USP34: variants seen among roughly 807,000 people sequenced by gnomAD.
The protein encoded by USP34 is ubiquitin specific peptidase 34, also known as ubiquitin carboxyl-terminal hydrolase 34.
USP34 carries 70 observed loss-of-function variants against 460.3 expected under a neutral mutation model. The ratio of observed to expected loss-of-function variants is 0.15; its 90% confidence interval spans 0.13 to 0.19. The LOEUF is 0.19. Ranked by LOEUF, USP34 falls within the 10% of genes least tolerant of loss-of-function variation. The pLI is 1.00. For missense variants in USP34, 3,985 were observed against 4,236.2 expected (o/e 0.94, Z 1.65); for synonymous variants, 1,647 against 1,405.3 (o/e 1.17, Z -3.85).
chr2:61,429,282 C>A (rs1254956613), intron 1 of USP34, among the ~76,000 whole-genome samples: 1 of 151,978 alleles, frequency 6.6e-6, no homozygotes, highest in Non-Finnish European at 1.5e-5. Flanking sequence ...CCCGTCTCTA[C>A]TAAAAATACA....
intron 53 of USP34, 100 bp downstream of exon 53, chr2:61,241,460 G>A (rs1308866931): frequency 2.7e-6 from 2 of 737,592 alleles, no homozygotes; most frequent in Non-Finnish European, 4.3e-6. Flanking sequence ...ACTCAGAATT[G>A]CAGATATCAA....
At chr2:61,349,173 T>C (rs1407195278) in intron 13 of USP34, 77 bp downstream of exon 13, 13 of 1,483,172 alleles carry the variant, frequency 8.8e-6, no homozygotes, top group East Asian at 2.3e-5. Context: ...TATATTATTA[T>C]GTAAAATCAA....
rs1450082241 is a variant in USP34, at chr2:61,331,340, G to A, written c.2866C>T (p.Leu956Phe). 6.2e-7 allele frequency: 1 copy of A among 1,611,916 alleles called. No individual in the cohort carries two copies. Among genetic ancestry groups the A allele is most frequent in the East Asian group, 2.2e-5 (1 of 44,714 alleles). ...WAEKELNMMK[L>F]FFDNLVYYIQ... Reference sequence around the variant, plus strand: ...TAGTATACCAAATTATCAAAGAAAAGCTTCATCATGTTCAGTTCTTTTTCT... The same window carrying A: ...TAGTATACCAAATTATCAAAGAAAAACTTCATCATGTTCAGTTCTTTTTCT... Residue 956 changes from leucine (L) to phenylalanine (F), a missense_variant, in exon 20 of 80, where the codon CTT becomes TTT. By Grantham distance (22) the Leu-to-Phe change is conservative (BLOSUM62 0). Around this residue, in one of 14 missense-constraint regions of USP34, gnomAD observed 1,114 missense variants for 1,122.5 expected, o/e 0.99. Coordinates refer to ENST00000398571, the MANE Select transcript of USP34 (RefSeq NM_014709.4).
intron 49 of USP34, among the ~76,000 whole-genome samples, chr2:61,247,361 G>A (rs1195383209): frequency 6.6e-6 from 1 of 152,204 alleles, no homozygotes; most frequent in Non-Finnish European, 1.5e-5. Context: ...GACAGTGGCT[G>A]AGGAGTGTAG....
In USP34 at chr2:61,313,662, T is replaced by A. The variant is rs573820575; in HGVS notation, c.3542+923A>T. Among the ~76,000 whole-genome samples, 5 of 152,200 alleles carry A rather than the reference T, an allele frequency of 3.3e-5. No individual in the cohort carries two copies. The South Asian group carries it at 1.0e-3, about 32-fold the overall frequency. On this transcript the variant is annotated intron_variant, in intron 25 of 79. Coordinates refer to ENST00000398571, the MANE Select transcript of USP34 (RefSeq NM_014709.4). ...TATAAGGCAGTAAGAAGTTTCTGTGTAAAAAAATGAGTTCCTTTCCACATT... is the reference window on the plus strand; with the variant it reads ...TATAAGGCAGTAAGAAGTTTCTGTGAAAAAAAATGAGTTCCTTTCCACATT...
At chr2:61,238,094 T>C (rs1319189472) in intron 53 of USP34, among the ~76,000 whole-genome samples, 3 of 151,336 alleles carry the variant, frequency 2.0e-5, no homozygotes, top group Admixed American at 6.6e-5. Context: ...GGGGGTTTCA[T>C]CATGTTGGCC....
intron 1 of USP34, among the ~76,000 whole-genome samples, chr2:61,430,523 G>A (rs752363201): frequency 1.3e-5 from 2 of 152,206 alleles, no homozygotes; most frequent in Non-Finnish European, 2.9e-5. Context: ...GAATAACTGG[G>A]TGATGGAAAT....
At chr2:61,301,792 T>A (rs1369876165) in intron 27 of USP34, among the ~76,000 whole-genome samples, 1 of 152,210 alleles carries the variant, frequency 6.6e-6, no homozygotes, top group Non-Finnish European at 1.5e-5. Context: ...TTTTCTCACC[T>A]CTTTCAAGTC....
intron 34 of USP34, among the ~76,000 whole-genome samples, chr2:61,286,484 C>T (rs571386410): frequency 1.8e-4 from 28 of 152,142 alleles, no homozygotes; most frequent in African/African-American, 6.3e-4. Flanking sequence ...GGCAAAACCC[C>T]GTCTCTATGA....
At chr2:61,297,071 A>G in intron 29 of USP34, 146 bp from the exon 30 acceptor site, 1 of 1,078,386 alleles carries the variant, frequency 9.3e-7, no homozygotes, top group South Asian at 1.7e-5. Context: ...CATTTGTTAT[A>G]TGATACATAT....
intron 2 of USP34, among the ~76,000 whole-genome samples, chr2:61,409,612 G>A (rs1008359479): frequency 6.6e-6 from 1 of 152,102 alleles, no homozygotes; most frequent in Non-Finnish European, 1.5e-5. Context: ...TACTCAGGAG[G>A]CAGAGACAGG....
At chr2:61,378,473 T>C (rs956463560) in intron 7 of USP34, 49 bp from the exon 8 acceptor site, 8 of 1,323,338 alleles carry the variant, frequency 6.0e-6, no homozygotes, top group Non-Finnish European at 8.5e-6. Flanking sequence ...AAAATTATTC[T>C]TGCATTTGTC....
chr2:61,297,831 C>T (rs1015396671), intron 29 of USP34, among the ~76,000 whole-genome samples: 1 of 152,094 alleles, frequency 6.6e-6, no homozygotes, highest in African/African-American at 2.4e-5. Context: ...CAACCTCCGC[C>T]TCCCGGGTTC....
chr2:61,352,273 TC>T (rs1347167546), intron 10 of USP34, among the ~76,000 whole-genome samples: 1 of 152,094 alleles, frequency 6.6e-6, no homozygotes, highest in Non-Finnish European at 1.5e-5. Context: ...ACATGGTTTT[TC>T]TACTTAAAAT....
intron 56 of USP34, 56 bp downstream of exon 56, chr2:61,235,968 CAA>C: frequency 1.9e-6 from 3 of 1,595,548 alleles, no homozygotes; most frequent in Non-Finnish European, 2.6e-6. Context: ...TAACAAAAAC[CAA>C]AAGATATCTG....
At chr2:61,284,478 A>C (rs1221017195) in intron 35 of USP34, among the ~76,000 whole-genome samples, 1 of 152,192 alleles carries the variant, frequency 6.6e-6, no homozygotes, top group African/African-American at 2.4e-5. Flanking sequence ...TACTGCTATA[A>C]AGAATACCAA....
At chr2:61,467,399 C>T (rs1231945837) in intron 1 of USP34, among the ~76,000 whole-genome samples, 3 of 152,132 alleles carry the variant, frequency 2.0e-5, no homozygotes, top group African/African-American at 7.2e-5. Context: ...ATCCTCCTGC[C>T]TCAGCCTCCT....
intron 10 of USP34, among the ~76,000 whole-genome samples, chr2:61,354,417 G>C (rs759600175): frequency 5.9e-5 from 9 of 152,206 alleles, no homozygotes; most frequent in Non-Finnish European, 1.2e-4. Context: ...TCAAAAATTA[G>C]GGTTGAAATT....
At chr2:61,256,317 G>GT (rs1443610994) in intron 48 of USP34, 67 bp downstream of exon 48, 2 of 1,399,870 alleles carry the variant, frequency 1.4e-6, no homozygotes, top group African/African-American at 1.4e-5. Flanking sequence ...TTTAATCTTA[G>GT]TTTACCCTTA....
Sources: allele counts gnomAD v4.1 joint callset (sites outside exome capture counted in the v4.1 genomes callset), GRCh38; gene constraint gnomAD v4.1.1; regional missense constraint gnomAD v4.1.1; transcripts MANE v1.5; gene names NCBI Gene and HGNC (gene_info 2026-07-23, HGNC 2026-07-21).